Variants in TTC19 observed in about 807,000 individuals in gnomAD.
TTC19 encodes the protein tetratricopeptide repeat domain 19.
In TTC19, 38 loss-of-function variants were observed where a neutral mutation model predicts 49.5. That is an observed-to-expected ratio of 0.77 (90% CI 0.59 to 1.01). The LOEUF is 1.01. Ranked by LOEUF, TTC19 falls within the 50% of genes least tolerant of loss-of-function variation. TTC19 has a pLI of 0.00. For synonymous variants in TTC19, 204 were observed against 185.2 expected (o/e 1.10, Z -0.83); for missense variants, 475 against 477.7 (o/e 0.99, Z 0.05).
chr17:16,007,405 A>G (rs889477886), intron 7 of TTC19, among the ~76,000 whole-genome samples: 9 of 152,152 alleles, frequency 5.9e-5, no homozygotes, highest in African/African-American at 2.2e-4. Flanking sequence ...CAGGAGATTC[A>G]TTCTTATTGT....
Position 16,025,125 on chromosome 17 carries a change from A to G in TTC19, c.785A>G (p.Lys262Arg), listed in dbSNP as rs1971506482. 2 of 1,614,018 alleles carry G rather than the reference A, an allele frequency of 1.2e-6. No individual in the cohort carries two copies. The highest frequency in any genetic ancestry group is 2.7e-5 in the African/African-American group (2 of 75,028). Residue 262 changes from lysine (K) to arginine (R), a missense_variant, in exon 8 of 10, where the codon AAA becomes AGA. Transcript: ENST00000261647. ...TCACAGGCACAAAGGATGTATGAAAAAGCTCTGCAGATTTCTGAAGAAATA... is the reference window on the plus strand; with the variant it reads ...TCACAGGCACAAAGGATGTATGAAAGAGCTCTGCAGATTTCTGAAGAAATA... ...QPSQAQRMYEKALQISEEIQG... is the reference protein window; with the variant it reads ...QPSQAQRMYERALQISEEIQG...
chr17:16,010,167 ATTTTTTTTTTTTT>A (rs1201745186), intron 7 of TTC19, among the ~76,000 whole-genome samples: 1 of 108,208 alleles, frequency 9.2e-6, no homozygotes, highest in African/African-American at 3.9e-5. Context: ...TTAATTTTTA[ATTTTTTTTTTTTT>A]TTTTTTTTTT....
chr17:16,035,027 T>TG (rs1973934704), intron 2 of TTC19: 2 of 1,342,958 alleles, frequency 1.5e-6, no homozygotes. Flanking sequence ...TATTGCTAAA[T>TG]GAAAAAAAAG....
Position 16,013,094 on chromosome 17 carries a change from C to T in TTC19, c.676+6526C>T, listed in dbSNP as rs150450837. ...TGGCACATGCCTGTGGTCCCAGCTA[C>T]TTAGGAGACTGAGGCAGGAGGATAA... is the stretch of plus-strand genomic sequence containing the variant. On this transcript the variant is annotated intron_variant, in intron 7 of 9. Coordinates refer to ENST00000261647, the MANE Select transcript of TTC19 (RefSeq NM_017775.4). Among the ~76,000 whole-genome samples, 366 of 152,204 alleles carry T rather than the reference C, an allele frequency of 2.4e-3. 6 individuals are homozygous for T. The highest frequency in any genetic ancestry group is 8.4e-3 in the African/African-American group (347 of 41,520).
At chr17:16,006,398 G>A (rs1278565195) in intron 6 of TTC19, 76 bp from the exon 7 acceptor site, 12 of 1,110,300 alleles carry the variant, frequency 1.1e-5, no homozygotes, top group Admixed American at 6.8e-5. Flanking sequence ...CAACAAGAGC[G>A]AAACTCCATC....
intron 8 of TTC19, 86 bp downstream of exon 8, chr17:16,025,257 G>C (rs1008165216): frequency 2.0e-5 from 29 of 1,418,808 alleles, no homozygotes; most frequent in Non-Finnish European, 2.5e-5. Context: ...TTGGTAACAG[G>C]ATCAGCAGAT....
intron 2 of TTC19, chr17:16,039,729 G>A (rs1260122980): frequency 7.6e-7 from 1 of 1,307,930 alleles, no homozygotes; most frequent in Non-Finnish European, 1.1e-6. Context: ...TGCCCCATCA[G>A]CCCACTGAAT....
At chr17:16,002,107 C>G (rs1970755990) in intron 3 of TTC19, 82 bp downstream of exon 3, 6 of 939,514 alleles carry the variant, frequency 6.4e-6, no homozygotes, top group South Asian at 2.6e-5. Flanking sequence ...GATTTATATT[C>G]CTGACTTTCA....
intron 2 of TTC19, chr17:16,044,364 T>G (rs1013584355): frequency 3.2e-5 from 15 of 470,588 alleles, no homozygotes; most frequent in African/African-American, 3.0e-4. Flanking sequence ...CATTTATTAA[T>G]CACAAGAGTG....
At chr17:16,001,008 C>T (rs1249537287) in intron 2 of TTC19, among the ~76,000 whole-genome samples, 1 of 152,192 alleles carries the variant, frequency 6.6e-6, no homozygotes, top group Non-Finnish European at 1.5e-5. Context: ...CAAAATATTT[C>T]TCAAATCTTT....
At chr17:16,002,053 T>C (rs565402655) in intron 3 of TTC19, 28 bp downstream of exon 3, 25 of 1,496,846 alleles carry the variant, frequency 1.7e-5, no homozygotes, top group Non-Finnish European at 2.2e-5. Flanking sequence ...TCTGAACCAC[T>C]GATGAGGAAG....
At chr17:16,005,629 A>T (rs1321116406) in intron 6 of TTC19, among the ~76,000 whole-genome samples, 1 of 152,216 alleles carries the variant, frequency 6.6e-6, no homozygotes, top group Non-Finnish European at 1.5e-5. Flanking sequence ...CAGTTGATTG[A>T]GGGTCCAGGG....
In TTC19 at chr17:16,001,933, G is replaced by T; in HGVS notation, c.331G>T (p.Glu111Ter). 6.2e-7 allele frequency: 1 copy of T among 1,612,826 alleles called. No individual in the cohort carries two copies. ...KRAKLSIMKD[E>*]PEEAELILHD... ...TTTTCAGTTGAGCATTATGAAAGAT[G>T]AGCCAGAAGAGGCTGAGTTAATTTT... The change falls in exon 3 of 10, where the codon GAG (glutamate) becomes TAG (stop). Residue 111 changes from glutamate (E) to a stop codon, truncating the protein, a stop_gained. Transcript: ENST00000261647. LOFTEE classifies it high-confidence loss of function.
At chr17:16,003,437 A>G (rs1970801488) in intron 4 of TTC19, among the ~76,000 whole-genome samples, 1 of 151,386 alleles carries the variant, frequency 6.6e-6, no homozygotes, top group Admixed American at 6.6e-5. Context: ...TTATTTATTT[A>G]TTTATTTATT....
intron 9 of TTC19, chr17:16,026,985 A>C (rs549847083): frequency 3.7e-6 from 2 of 537,402 alleles, no homozygotes. Flanking sequence ...ACAGATTTCT[A>C]AATGTGTTCA....
At chr17:16,004,355 T>A in intron 6 of TTC19, 93 bp downstream of exon 6, 7 of 1,207,022 alleles carry the variant, frequency 5.8e-6, no homozygotes, top group South Asian at 1.2e-5. Flanking sequence ...CATCTGGGTC[T>A]CCCAGAAATT....
At chr17:16,015,339 A>G (rs545739900) in intron 7 of TTC19, among the ~76,000 whole-genome samples, 5 of 152,266 alleles carry the variant, frequency 3.3e-5, no homozygotes, top group Non-Finnish European at 7.4e-5. Context: ...ATAAACATTA[A>G]TAAATATCTA....
intron 7 of TTC19, among the ~76,000 whole-genome samples, chr17:16,020,234 G>C (rs747582037): frequency 2.0e-5 from 3 of 152,154 alleles, no homozygotes; most frequent in Non-Finnish European, 4.4e-5. Flanking sequence ...TTGATAATCT[G>C]CTGGGTTTGA....
chr17:16,001,917 G>T lies in TTC19; in HGVS notation c.315G>T (p.Leu105Phe). 6.2e-7 allele frequency: 1 copy of T among 1,608,756 alleles called. No individual in the cohort carries two copies. Residue 105 changes from leucine (L) to phenylalanine (F), a missense_variant and splice_region_variant, in exon 3 of 10, where the codon TTG (leucine) becomes TTT (phenylalanine). Leu to Phe is a conservative substitution (Grantham distance 22). Transcript: ENST00000261647. The part of the protein sequence containing the change: ...EIIQLLKRAK[L>F]SIMKDEPEEA... Reference sequence around the variant, plus strand: ...ATTATTTTGTCTTCCCTTTTCAGTTGAGCATTATGAAAGATGAGCCAGAAG... The same window carrying T: ...ATTATTTTGTCTTCCCTTTTCAGTTTAGCATTATGAAAGATGAGCCAGAAG...
Sources: gnomAD v4.1 joint callset for allele counts (sites outside exome capture counted in the v4.1 genomes callset) on GRCh38, gnomAD v4.1.1 for gene constraint, MANE v1.5 for transcripts, NCBI Gene and HGNC (gene_info 2026-07-23, HGNC 2026-07-21) for gene names.